Variants in RAD51B observed in about 807,000 individuals in gnomAD.
RAD51B encodes DNA repair protein RAD51 homolog 2.
A neutral mutation model predicts 42.2 loss-of-function variants in RAD51B; 38 were observed. The ratio of observed to expected loss-of-function variants is 0.90; its 90% confidence interval spans 0.70 to 1.18. RAD51B has a LOEUF of 1.18. Ranked by LOEUF, RAD51B falls within the 50% of genes most tolerant of loss-of-function variation. RAD51B has a pLI of 0.00. For missense variants in RAD51B, 373 were observed against 400.7 expected (o/e 0.93, Z 0.59); for synonymous variants, 154 against 145.2 (o/e 1.06, Z -0.43).
chr14:68,440,150 G>T (rs2085251011), intron 9 of RAD51B, among the ~76,000 whole-genome samples: 1 of 152,182 alleles, frequency 6.6e-6, no homozygotes, highest in South Asian at 2.1e-4. Flanking sequence ...TTGTAAGATT[G>T]ATCTAAATCA....
intron 7 of RAD51B, among the ~76,000 whole-genome samples, chr14:68,028,844 GA>G (rs1487283389): frequency 3.3e-5 from 5 of 152,206 alleles, no homozygotes; most frequent in Non-Finnish European, 7.3e-5. Context: ...CTTGGAGGGA[GA>G]TGGGGAGCCC....
At chr14:68,091,974 G>C (rs1480794044) in intron 7 of RAD51B, among the ~76,000 whole-genome samples, 1 of 152,120 alleles carries the variant, frequency 6.6e-6, no homozygotes, top group East Asian at 1.9e-4. Context: ...CCCATTGCTT[G>C]TTTTTGTCAG....
intron 10 of RAD51B, chr14:68,541,176 C>T (rs1594956515): frequency 1.0e-6 from 1 of 985,404 alleles, no homozygotes; most frequent in East Asian, 1.1e-4. Context: ...AAGCCAATCA[C>T]CAGGGAGAGG....
At chr14:67,892,675 A>G (rs2043255253) in intron 7 of RAD51B, among the ~76,000 whole-genome samples, 1 of 152,224 alleles carries the variant, frequency 6.6e-6, no homozygotes, top group Non-Finnish European at 1.5e-5. Flanking sequence ...GTTTATGCAA[A>G]CAGTGTGATT....
rs145320038 is a variant in RAD51B at position 68,150,074 on chromosome 14, A to C, written c.757-141810A>C. 3.6e-3 allele frequency among the ~76,000 whole-genome samples: 551 copies of C among 152,120 alleles called. 1 individual carries two copies. The highest frequency in any genetic ancestry group is 6.8e-3 in the Middle Eastern group (2 of 292). ...ATTCTCCTGCCTCAGCCTCCCAAGT[A>C]GTTGGGATTACAGGTATGCGCCACC... is the stretch of plus-strand genomic sequence containing the variant. On this transcript the variant is annotated intron_variant, in intron 7 of 10. Coordinates refer to ENST00000471583, the MANE Select transcript of RAD51B (RefSeq NM_133510.4).
chr14:68,590,774 A>G (rs1890704796), intron 10 of RAD51B, among the ~76,000 whole-genome samples: 1 of 152,144 alleles, frequency 6.6e-6, no homozygotes, highest in Non-Finnish European at 1.5e-5. Context: ...ATCACCTGTT[A>G]TGGCATTTTC....
At chr14:68,410,896 T>A (rs910236579) in intron 8 of RAD51B, among the ~76,000 whole-genome samples, 2 of 151,912 alleles carry the variant, frequency 1.3e-5, no homozygotes, top group Non-Finnish European at 2.9e-5. Context: ...AGCTTACCTA[T>A]GAAATGCTGA....
chr14:68,661,923 C>G (rs1415050496), intron 11 of RAD51B, among the ~76,000 whole-genome samples: 1 of 152,216 alleles, frequency 6.6e-6, no homozygotes, highest in Non-Finnish European at 1.5e-5. Context: ...TGACTACCTT[C>G]CAGACACTTG....
intron 10 of RAD51B, among the ~76,000 whole-genome samples, chr14:68,608,486 C>T (rs771011806): frequency 2.6e-5 from 4 of 152,218 alleles, no homozygotes; most frequent in Admixed American, 6.5e-5. Context: ...AGAGGAAATG[C>T]TGGACTCTCC....
At chr14:67,997,018 A>C (rs936588136) in intron 7 of RAD51B, among the ~76,000 whole-genome samples, 1 of 152,218 alleles carries the variant, frequency 6.6e-6, no homozygotes, top group African/African-American at 2.4e-5. Flanking sequence ...AGTGCATTTT[A>C]CATCAACTTA....
intron 10 of RAD51B, among the ~76,000 whole-genome samples, chr14:68,517,400 G>T (rs1886238974): frequency 6.6e-6 from 1 of 152,180 alleles, no homozygotes; most frequent in Non-Finnish European, 1.5e-5. Context: ...GTTTGTAGCA[G>T]TGAAGAATGC....
intron 7 of RAD51B, among the ~76,000 whole-genome samples, chr14:67,947,881 A>G (rs911784286): frequency 9.2e-5 from 14 of 152,228 alleles, no homozygotes; most frequent in African/African-American, 1.7e-4. Context: ...TTTAAGAAAC[A>G]CTTTCTACTC....
chr14:67,822,522 C>CA (rs1406271917), intron 1 of RAD51B, among the ~76,000 whole-genome samples: 1 of 151,726 alleles, frequency 6.6e-6, no homozygotes, highest in Non-Finnish European at 1.5e-5. Flanking sequence ...ACAAAAAATA[C>CA]AAAAATTGGG....
At chr14:68,564,828 C>T (rs941274304) in intron 10 of RAD51B, among the ~76,000 whole-genome samples, 13 of 152,226 alleles carry the variant, frequency 8.5e-5, no homozygotes, top group African/African-American at 3.1e-4. Context: ...CGCAGAGACA[C>T]ACTCAACAAG....
intron 7 of RAD51B, among the ~76,000 whole-genome samples, chr14:68,016,961 A>G (rs1021176735): frequency 1.3e-5 from 2 of 152,196 alleles, no homozygotes; most frequent in African/African-American, 4.8e-5. Context: ...TTTATATAGA[A>G]TGATCAAAAT....
chr14:68,656,383 A>T (rs1387155273), intron 11 of RAD51B, among the ~76,000 whole-genome samples: 1 of 152,010 alleles, frequency 6.6e-6, no homozygotes, highest in Non-Finnish European at 1.5e-5. Flanking sequence ...CCCAAAATAT[A>T]AAACCTTTGT....
At chr14:68,624,169 G>T (rs1892017193) in intron 10 of RAD51B, among the ~76,000 whole-genome samples, 1 of 152,232 alleles carries the variant, frequency 6.6e-6, no homozygotes, top group African/African-American at 2.4e-5. Context: ...TAATATGGAT[G>T]TGTTGCTTAG....
At chr14:68,367,341 A>G (rs1303306883) in intron 8 of RAD51B, among the ~76,000 whole-genome samples, 2 of 152,210 alleles carry the variant, frequency 1.3e-5, no homozygotes, top group African/African-American at 4.8e-5. Flanking sequence ...GAGTGTGAGG[A>G]TTCCAAGACT....
intron 9 of RAD51B, among the ~76,000 whole-genome samples, chr14:68,467,169 T>C (rs2086007016): frequency 6.6e-6 from 1 of 152,238 alleles, no homozygotes; most frequent in African/African-American, 2.4e-5. Context: ...TACTAATTAT[T>C]AGAGGTTCTG....
Sources: gnomAD v4.1 joint callset for allele counts (sites outside exome capture counted in the v4.1 genomes callset) on GRCh38, gnomAD v4.1.1 for gene constraint, MANE v1.5 for transcripts, NCBI Gene and HGNC (gene_info 2026-07-23, HGNC 2026-07-21) for gene names.